FBN3: variants seen among roughly 807,000 people sequenced by gnomAD.
The protein encoded by FBN3 is fibrillin-3.
In FBN3, 234 loss-of-function variants were observed where a neutral mutation model predicts 330.1. That is an observed-to-expected ratio of 0.71 (90% CI 0.64 to 0.79). The LOEUF (loss-of-function observed/expected upper bound fraction) is 0.79. Among genes scored for constraint, FBN3 ranks in the 30% least tolerant of loss-of-function variants. FBN3 has a pLI of 0.00. For missense variants in FBN3, 3,606 were observed against 3,886.9 expected, an observed-to-expected ratio of 0.93 and a Z score of 1.92; for synonymous variants, 1,458 against 1,517.3, an observed-to-expected ratio of 0.96 and a Z score of 0.91.
intron 41 of FBN3, among the ~76,000 whole-genome samples, chr19:8,100,383 G>A (rs2144753723): frequency 6.6e-6 from 1 of 152,266 alleles, no homozygotes; most frequent in African/African-American, 2.4e-5. Flanking sequence ...TATCCCTCAG[G>A]CTGGAGTGCA....
chr19:8,139,660 C>G (rs553698843), intron 8 of FBN3, among the ~76,000 whole-genome samples: 2 of 152,074 alleles, frequency 1.3e-5, no homozygotes, highest in Non-Finnish European at 2.9e-5. Flanking sequence ...CTACAGCCCC[C>G]GGGGTGACTG....
chr19:8,143,926 T>C (rs1012314204), intron 6 of FBN3, among the ~76,000 whole-genome samples: 3 of 151,278 alleles, frequency 2.0e-5, no homozygotes, highest in Non-Finnish European at 4.4e-5. Context: ...CATGCAATCC[T>C]CCCACTTCAG....
chr19:8,133,051 C>T lies in FBN3; in HGVS notation c.1647G>A (p.Glu549=). Residue 549 remains glutamate, a synonymous_variant, in exon 14 of 64, where the codon GAG becomes GAA. Transcript: ENST00000600128. The stretch of plus-strand genomic sequence containing the variant: ...TGCAGAGGCAGGAGAAGCTGCCATC[C>T]TCGTTGAGACACACGCCGTTGACGC... ...TMCVNGVCLN[E]DGSFSCLCKP... 1 of 1,586,602 alleles carries T rather than the reference C, an allele frequency of 6.3e-7. No homozygotes were observed. Among genetic ancestry groups the T allele is most frequent in the Non-Finnish European group, 8.6e-7 (1 of 1,167,918 alleles).
rs2081609682 is a variant in FBN3 at position 8,075,137 on chromosome 19, G to A, written c.7636C>T (p.Leu2546=). The change falls in exon 61 of 64, where the codon CTA becomes TTA. Residue 2546 remains leucine (L), a synonymous_variant. Transcript: ENST00000600128. The part of the protein sequence containing the change: ...HRCQHGCQNQ[L]GGYRCSCPQG... ...GGGCAGCTGCAGCGGTAGCCCCCTA[G>A]CTGGTTCTGACAGCCATGCTGGCAG... 6.3e-7 allele frequency: 1 copy of A among 1,582,332 alleles called. No homozygotes were observed. Among genetic ancestry groups the A allele is most frequent in the Admixed American group, 1.8e-5 (1 of 55,548 alleles).
Position 8,096,567 on chromosome 19 carries a change from G to T in FBN3, c.5416C>A (p.Arg1806=). The change falls in exon 44 of 64, where the codon CGG becomes AGG. Residue 1806 remains arginine, a splice_region_variant and synonymous_variant. Transcript: ENST00000600128. This position sits in a 1 kb window ranked among gnomAD's most constrained non-coding sequence, Gnocchi z 4.6. Reference sequence around the variant, plus strand: ...TTCGGGATCTCCCGACACTCATTCCGTCCTGGGGGTGCAGAGAGCATGGTG... The same window carrying T: ...TTCGGGATCTCCCGACACTCATTCCTTCCTGGGGGTGCAGAGAGCATGGTG... ...KLSPGGACVG[R]NECREIPNVC... is the part of the protein sequence containing the mutation. 1.9e-6 allele frequency: 3 copies of T among 1,609,768 alleles called. No individual in the cohort carries two copies. Among genetic ancestry groups the T allele is most frequent in the Non-Finnish European group, 2.5e-6 (3 of 1,178,340 alleles).
At chr19:8,100,720 T>G (rs1391977840) in intron 41 of FBN3, among the ~76,000 whole-genome samples, 181 bp downstream of exon 41, 1 of 152,214 alleles carries the variant, frequency 6.6e-6, no homozygotes, top group East Asian at 1.9e-4. Context: ...TGTCATTCTT[T>G]TTTTAAAAAG....
At position 8,090,487 on chromosome 19, in the gene FBN3, G is replaced by GTT. The variant is rs34225993; in HGVS notation, c.6032-238_6032-237dup. Reference sequence around the variant, plus strand: ...GTTGTTGTTGTTGGTGGTGGTGGTGGTTTTTTTTTTTTTTCAGATGGAGTC... The same window carrying GTT: ...GTTGTTGTTGTTGGTGGTGGTGGTGGTTTTTTTTTTTTTTTTCAGATGGAGTC... On this transcript the variant is annotated intron_variant, in intron 48 of 63. Transcript: ENST00000600128. 5.7e-3 allele frequency among the ~76,000 whole-genome samples: 813 copies of GTT among 141,426 alleles called. 5 individuals are homozygous for GTT. Among genetic ancestry groups the GTT allele is most frequent in the African/African-American group, 0.015 (584 of 38,286 alleles). 92.8% of individuals were successfully genotyped at this position (141,426 alleles called of 152,430 possible). A position where few individuals can be genotyped will look rare whatever the true frequency, so the allele number is the denominator to read the frequency against.
chr19:8,133,118 A>G lies in FBN3; in HGVS notation c.1592-12T>C. 1.3e-6 allele frequency: 2 copies of G among 1,565,036 alleles called. No individual in the cohort carries two copies. The highest frequency in any genetic ancestry group is 1.7e-6 in the Non-Finnish European group (2 of 1,156,058). Reference sequence around the variant, plus strand: ...ACACTCGTTGTGGTCTGGGGACAACAGCAGAGGCTGGGTCCAGGCAGGGAC... The same window carrying G: ...ACACTCGTTGTGGTCTGGGGACAACGGCAGAGGCTGGGTCCAGGCAGGGAC... On this transcript the variant is annotated splice_polypyrimidine_tract_variant and intron_variant, in intron 13 of 63. Coordinates refer to ENST00000600128, the MANE Select transcript of FBN3 (RefSeq NM_032447.5).
chr19:8,146,241 G>A lies in FBN3; in HGVS notation c.251-16C>T, dbSNP rs11672939. On this transcript the variant is annotated splice_polypyrimidine_tract_variant and intron_variant, in intron 3 of 63. Coordinates refer to ENST00000600128, the MANE Select transcript of FBN3 (RefSeq NM_032447.5). The stretch of plus-strand genomic sequence containing the variant: ...CTACAGATGGCTGGATGAGTGCAGC[G>A]GGTGGCAGTCAAGACCAGGACCGAG... 0.05 allele frequency: 79,363 copies of A among 1,573,484 alleles called. 2,320 individuals are homozygous for A. The highest frequency in any genetic ancestry group is 0.058 in the Non-Finnish European group (67,774 of 1,159,640).
intron 24 of FBN3, among the ~76,000 whole-genome samples, chr19:8,122,397 C>T (rs913371378): frequency 2.6e-5 from 4 of 152,074 alleles, no homozygotes; most frequent in East Asian, 1.9e-4. Context: ...GACACAGTCT[C>T]GTTCTGTCAC....
intron 13 of FBN3, 25 bp downstream of exon 13, chr19:8,135,936 G>GGTCCCCCCCCCCCCCCCC: frequency 1.5e-6 from 1 of 668,778 alleles, no homozygotes; most frequent in Non-Finnish European, 2.4e-6. Context: ...GGAAGCCCCT[G>GGTCCCCCCCCCCCCCCCC]CCCACCCGCC....
intron 63 of FBN3, among the ~76,000 whole-genome samples, chr19:8,070,894 C>T (rs111852936): frequency 0.13 from 19,076 of 151,898 alleles, 1,413 homozygotes; most frequent in Non-Finnish European, 0.17. Flanking sequence ...TGGTGGTGCA[C>T]GCCTGTAATC....
At chr19:8,097,120 A>T (rs2082227633) in intron 42 of FBN3, 114 bp from the exon 43 acceptor site, 3 of 1,501,032 alleles carry the variant, frequency 2.0e-6, no homozygotes, top group Admixed American at 3.7e-5. Flanking sequence ...AAGCAGCCAG[A>T]GCTGGAGTAA....
intron 41 of FBN3, among the ~76,000 whole-genome samples, chr19:8,100,398 C>T (rs2082302006): frequency 1.3e-5 from 2 of 151,986 alleles, no homozygotes; most frequent in South Asian, 2.1e-4. Context: ...AGTGCAATGG[C>T]GAGATATCGG....
chr19:8,095,122 C>A (rs1422012842), intron 46 of FBN3, among the ~76,000 whole-genome samples: 1 of 152,116 alleles, frequency 6.6e-6, no homozygotes, highest in African/African-American at 2.4e-5. Flanking sequence ...CAGGCAATAG[C>A]CACCACTCCT....
intron 41 of FBN3, among the ~76,000 whole-genome samples, 157 bp from the exon 42 acceptor site, chr19:8,097,571 G>A (rs903192040): frequency 1.1e-4 from 17 of 152,150 alleles, no homozygotes; most frequent in Non-Finnish European, 2.1e-4. Flanking sequence ...AAATACATCC[G>A]CTCACACCAG....
Position 8,115,461 on chromosome 19 carries a change from C to A in FBN3, c.3838+54G>T. The A allele has an allele frequency of 2.5e-6, 4 of 1,595,500 alleles. No homozygotes were observed. In the Admixed American group the frequency reaches 6.8e-5, roughly 27 times the overall value. ...GGGGATGGAAACAGACCCCATGATTCCCAAAATGGCCCCGGGGAGTCCCCT... is the reference window on the plus strand; with the variant it reads ...GGGGATGGAAACAGACCCCATGATTACCAAAATGGCCCCGGGGAGTCCCCT... On this transcript the variant is annotated intron_variant, in intron 30 of 63. Transcript: ENST00000600128.
At chr19:8,128,605 T>G (rs1445822526) in intron 18 of FBN3, among the ~76,000 whole-genome samples, 1 of 151,866 alleles carries the variant, frequency 6.6e-6, no homozygotes, top group Non-Finnish European at 1.5e-5. Context: ...AATGTGAGTA[T>G]ATATGTGTCT....
chr19:8,066,289 G>C, intron 63 of FBN3, 29 bp from the exon 64 acceptor site: 1 of 1,462,308 alleles, frequency 6.8e-7, no homozygotes, highest in Non-Finnish European at 9.1e-7. Flanking sequence ...TGTGTGGTCA[G>C]AGCCCAGGAG....
Sources: allele counts gnomAD v4.1 joint callset (sites outside exome capture counted in the v4.1 genomes callset), GRCh38; gene constraint gnomAD v4.1.1; non-coding constraint Gnocchi (gnomAD v3.1); transcripts MANE v1.5; gene names NCBI Gene and HGNC (gene_info 2026-07-23, HGNC 2026-07-21).